RELN: variants seen among roughly 807,000 people sequenced by gnomAD.
The protein encoded by RELN is reelin.
A neutral mutation model predicts 427.6 loss-of-function variants in RELN; 108 were observed. The ratio of observed to expected loss-of-function variants is 0.25; its 90% CI spans 0.22 to 0.30. The LOEUF is 0.30. RELN is among the 10% of genes least tolerant of loss of function. The pLI, the probability that RELN is intolerant of heterozygous loss-of-function variation, is 1.00. For synonymous variants in RELN, 1,524 were observed against 1,513.4 expected (o/e 1.01, Z -0.16); for missense variants, 3,715 against 4,302.8 (o/e 0.86, Z 3.82).
intron 45 of RELN, 87 bp from the exon 46 acceptor site, chr7:103,535,571 G>T: frequency 3.1e-6 from 4 of 1,296,998 alleles, no homozygotes; most frequent in Non-Finnish European, 4.4e-6. Context: ...GTATGTTTTA[G>T]TTTCATTCAA....
chr7:103,773,436 T>TCTCTCTCCCTCGCTCCCTCC lies in RELN; in HGVS notation c.544+3120_544+3121insGGAGGGAGCGAGGGAGAGAG, dbSNP rs1563004960. Among the ~76,000 whole-genome samples the TCTCTCTCCCTCGCTCCCTCC allele has an allele frequency of 6.9e-4, 84 of 120,940 alleles. 1 individual carries two copies. The highest frequency in any genetic ancestry group is 1.4e-3 in the Non-Finnish European group (76 of 55,286). The allele number at this position is 120,940 out of a possible 152,430, so 79.3% of individuals were successfully genotyped here. On this transcript the variant is annotated intron_variant, in intron 4 of 64. Transcript: ENST00000428762. Reference sequence around the variant, plus strand: ...CTCTCTCCCTCGCTCCCTCTCTCTCTCTCTCTCTCCCTCGCTCCCTCCCTC... The same window carrying TCTCTCTCCCTCGCTCCCTCC: ...CTCTCTCCCTCGCTCCCTCTCTCTCTCTCTCTCCCTCGCTCCCTCCCTCTCTCTCCCTCGCTCCCTCCCTC...
chr7:103,639,210 T>C (rs941592200), intron 17 of RELN, among the ~76,000 whole-genome samples: 1 of 152,144 alleles, frequency 6.6e-6, no homozygotes, highest in African/African-American at 2.4e-5. Context: ...CAGGAATGCA[T>C]ATTCAGTTTG....
rs1554394428 is a variant in RELN at position 103,630,847 on chromosome 7, T to TTTTTGTTTG, written c.2466-672_2466-671insCAAACAAAA. Among the ~76,000 whole-genome samples, 20 of 71,326 alleles carry TTTTTGTTTG rather than the reference T, an allele frequency of 2.8e-4. 2 individuals are homozygous for TTTTTGTTTG. Among genetic ancestry groups the TTTTTGTTTG allele is most frequent in the East Asian group, 8.3e-4 (2 of 2,408 alleles). The allele number at this position is 71,326 out of a possible 152,430, so 46.8% of individuals were successfully genotyped here. A position where few individuals can be genotyped will look rare whatever the true frequency, so the allele number is the denominator to read the frequency against. On this transcript the variant is annotated intron_variant, in intron 19 of 64. Transcript: ENST00000428762. ...ACACACTGAAAGGGCTGAGTTATTTTTTTGTTTTTTTTGTTTTTTTTTTTT... is the reference window on the plus strand; with the variant it reads ...ACACACTGAAAGGGCTGAGTTATTTTTTTTGTTTGTTTGTTTTTTTTGTTTTTTTTTTTT...
At chr7:103,674,289 C>A (rs753096486) in intron 11 of RELN, among the ~76,000 whole-genome samples, 2 of 152,118 alleles carry the variant, frequency 1.3e-5, no homozygotes, top group African/African-American at 2.4e-5. Context: ...CAGTGTACGC[C>A]CTTATCCTGT....
chr7:103,977,007 TTAAGTG>T (rs1796892282), intron 1 of RELN, among the ~76,000 whole-genome samples: 1 of 151,946 alleles, frequency 6.6e-6, no homozygotes, highest in African/African-American at 2.4e-5. Context: ...TCGCAGGTTG[TTAAGTG>T]TAAGATCTCT....
intron 2 of RELN, among the ~76,000 whole-genome samples, chr7:103,914,183 T>C (rs1175997642): frequency 1.3e-5 from 2 of 152,156 alleles, no homozygotes; most frequent in Non-Finnish European, 2.9e-5. Flanking sequence ...TTATTCTTTG[T>C]TTGTTTGTCT....
chr7:103,961,940 C>A (rs1015914142), intron 1 of RELN, among the ~76,000 whole-genome samples: 1 of 152,128 alleles, frequency 6.6e-6, no homozygotes, highest in African/African-American at 2.4e-5. Flanking sequence ...GTCTCATCAC[C>A]AACACAAAAT....
At chr7:103,920,593 T>TTTTTTTTTTTTTTTTTGA (rs57282777) in intron 1 of RELN, among the ~76,000 whole-genome samples, 12 of 129,394 alleles carry the variant, frequency 9.3e-5, no homozygotes, top group African/African-American at 3.3e-4. Flanking sequence ...TTTTTTTTTT[T>TTTTTTTTTTTTTTTTTGA]GAGAGAGTCT....
chr7:103,582,808 A>G (rs899629502), intron 28 of RELN, among the ~76,000 whole-genome samples: 2 of 152,350 alleles, frequency 1.3e-5, no homozygotes, highest in African/African-American at 4.8e-5. Flanking sequence ...AGCTTTTACC[A>G]TAAAAGTCAG....
chr7:103,890,300 G>T (rs1333156491), intron 2 of RELN, among the ~76,000 whole-genome samples: 4 of 151,406 alleles, frequency 2.6e-5, no homozygotes, highest in Non-Finnish European at 5.9e-5. Flanking sequence ...GTAGAAGATT[G>T]TCATTGGGAT....
At chr7:103,828,674 G>A (rs562714732) in intron 3 of RELN, among the ~76,000 whole-genome samples, 10 of 151,914 alleles carry the variant, frequency 6.6e-5, no homozygotes, top group African/African-American at 1.9e-4. Flanking sequence ...TGTGATGAAG[G>A]ATAGGATATG....
chr7:103,827,867 A>G (rs1429941109), intron 3 of RELN, among the ~76,000 whole-genome samples: 1 of 152,106 alleles, frequency 6.6e-6, no homozygotes, highest in African/African-American at 2.4e-5. Flanking sequence ...TTTAGAAAAT[A>G]GCATATCCAG....
At chr7:103,660,288 C>G (rs1384454736) in intron 12 of RELN, among the ~76,000 whole-genome samples, 1 of 151,974 alleles carries the variant, frequency 6.6e-6, no homozygotes, top group Non-Finnish European at 1.5e-5. Context: ...AAAATGAGAG[C>G]CAGTTTGAAT....
At chr7:103,857,554 C>T (rs2116481861) in intron 2 of RELN, among the ~76,000 whole-genome samples, 2 of 152,346 alleles carry the variant, frequency 1.3e-5, no homozygotes, top group African/African-American at 4.8e-5. Context: ...GCCCAGAGAG[C>T]TGCGAATTCA....
Position 103,522,065 on chromosome 7 carries a change from A to T in RELN, c.7625T>A (p.Val2542Glu). ...CATTCCCGACGCCACGGCTCCACAC[A>T]CTGTACTCAATTTCCCTCCGTTCAC... is the stretch of plus-strand genomic sequence containing the variant. ...LTVNGGKLSTVCGAVASGMAL... is the reference protein window; with the variant it reads ...LTVNGGKLSTECGAVASGMAL... Residue 2542 changes from valine (V) to glutamate (E), a missense_variant, in exon 48 of 65, where the codon GTG (valine) becomes GAG (glutamate). Around this residue, in one of 4 missense-constraint regions of RELN, gnomAD observed 1,310 missense variants for 1,643.0 expected, o/e 0.80. Transcript: ENST00000428762. 1.2e-6 allele frequency: 2 copies of T among 1,614,030 alleles called. No homozygotes were observed. The highest frequency in any genetic ancestry group is 4.5e-5 in the East Asian group (2 of 44,864).
At position 103,664,098 on chromosome 7, in the gene RELN, C is replaced by T. The variant is rs564029282; in HGVS notation, c.1290-2571G>A. 2.0e-4 allele frequency among the ~76,000 whole-genome samples: 30 copies of T among 152,250 alleles called. 1 individual carries two copies. The East Asian group carries it at 4.8e-3, about 25-fold the overall frequency. ...AGACAGCTCCATGGTTAGGGGAACA[C>T]GTATTTATAGCACACCACATTCAAG... On this transcript the variant is annotated intron_variant, in intron 11 of 64. Transcript: ENST00000428762.
intron 22 of RELN, among the ~76,000 whole-genome samples, chr7:103,606,658 A>G (rs1422914824): frequency 1.3e-5 from 2 of 152,188 alleles, no homozygotes; most frequent in Non-Finnish European, 2.9e-5. Flanking sequence ...AAATGTGAAA[A>G]TGGGCATGGG....
chr7:103,640,689 A>ATGAGTAT lies in RELN; in HGVS notation c.2003-81_2003-80insATACTCA. 1 of 1,402,534 alleles carries ATGAGTAT rather than the reference A, an allele frequency of 7.1e-7. No individual in the cohort carries two copies. The highest frequency in any genetic ancestry group is 1.4e-5 in the African/African-American group (1 of 70,370). 86.9% of individuals were successfully genotyped at this position (1,402,534 alleles called of 1,614,324 possible). A position where few individuals can be genotyped will look rare whatever the true frequency, so the allele number is the denominator to read the frequency against. On this transcript the variant is annotated intron_variant, in intron 16 of 64. Transcript: ENST00000428762. The surrounding 1 kb of genome is among the most constrained non-coding windows in gnomAD (Gnocchi z 4.1). ...AATTTTGTGAAGTAATACTCATGAA[A>ATGAGTAT]TATGGCCCCTTGTGTGTATGTTGTG...
At chr7:103,678,238 T>C (rs1333583803) in intron 11 of RELN, among the ~76,000 whole-genome samples, 1 of 152,188 alleles carries the variant, frequency 6.6e-6, no homozygotes, top group Non-Finnish European at 1.5e-5. Context: ...AAATTCCATA[T>C]TATAGCAATG....
Sources: gnomAD v4.1 joint callset for allele counts (sites outside exome capture counted in the v4.1 genomes callset) on GRCh38, gnomAD v4.1.1 for gene constraint, gnomAD v4.1.1 regional missense constraint, Gnocchi (gnomAD v3.1) non-coding constraint, MANE v1.5 for transcripts, NCBI Gene and HGNC (gene_info 2026-07-23, HGNC 2026-07-21) for gene names.